MDGA2: variants seen among roughly 807,000 people sequenced by gnomAD.
MDGA2 encodes the protein MAM domain containing glycosylphosphatidylinositol anchor 2.
MDGA2 carries 40 observed loss-of-function variants against 117.8 expected under a neutral mutation model. The ratio of observed to expected loss-of-function variants is 0.34; its 90% CI spans 0.26 to 0.44. The LOEUF is 0.44. Ranked by LOEUF, MDGA2 falls within the 20% of genes least tolerant of loss-of-function variation. The pLI is 1.00. For missense variants in MDGA2, 1,123 were observed against 1,250.6 expected, an observed-to-expected ratio of 0.90 and a Z score of 1.54; for synonymous variants, 452 against 439.0, an observed-to-expected ratio of 1.03 and a Z score of -0.37.
chr14:47,390,311 C>T (rs1891864820), intron 1 of MDGA2, among the ~76,000 whole-genome samples: 1 of 152,130 alleles, frequency 6.6e-6, no homozygotes, highest in South Asian at 2.1e-4. Flanking sequence ...ATGTCTTTCT[C>T]AAAGACTAGG....
chr14:47,386,620 G>C (rs1891765683), intron 1 of MDGA2, among the ~76,000 whole-genome samples: 1 of 152,136 alleles, frequency 6.6e-6, no homozygotes, highest in Non-Finnish European at 1.5e-5. Flanking sequence ...AAGAGCAAAA[G>C]GAAAAATGGA....
Position 47,014,953 on chromosome 14 carries a change from T to C in MDGA2, c.1819+20058A>G, listed in dbSNP as rs570465561. Among the ~76,000 whole-genome samples, 3 of 152,312 alleles carry C rather than the reference T, an allele frequency of 2.0e-5. No individual in the cohort carries two copies. The South Asian group carries it at 6.2e-4, about 32-fold the overall frequency. On this transcript the variant is annotated intron_variant, in intron 8 of 16. Transcript: ENST00000399232. ...CATTCCACACTAAGCTTAATCATTTTTAGCTTTTGATTTAACAAGAGAGAT... is the reference window on the plus strand; with the variant it reads ...CATTCCACACTAAGCTTAATCATTTCTAGCTTTTGATTTAACAAGAGAGAT...
chr14:47,556,006 T>C (rs186724643), intron 1 of MDGA2, among the ~76,000 whole-genome samples: 13 of 152,318 alleles, frequency 8.5e-5, no homozygotes, highest in African/African-American at 3.1e-4. Flanking sequence ...CATTTCTGAA[T>C]TTAGGGCCTA....
intron 1 of MDGA2, chr14:47,342,994 T>G: frequency 9.3e-7 from 1 of 1,079,352 alleles, no homozygotes; most frequent in Non-Finnish European, 1.3e-6. Flanking sequence ...CCTGGCAGAA[T>G]GCTACCTCAG....
At chr14:46,971,136 A>G (rs1020019586) in intron 8 of MDGA2, among the ~76,000 whole-genome samples, 5 of 152,148 alleles carry the variant, frequency 3.3e-5, no homozygotes, top group Non-Finnish European at 7.4e-5. Flanking sequence ...TAGTATACCC[A>G]CTACAGAAAT....
At chr14:47,002,125 A>G (rs1887552941) in intron 8 of MDGA2, among the ~76,000 whole-genome samples, 1 of 152,108 alleles carries the variant, frequency 6.6e-6, no homozygotes, top group African/African-American at 2.4e-5. Flanking sequence ...ATATTAGACT[A>G]ACACTAAATT....
At chr14:47,436,697 A>G (rs904665128) in intron 1 of MDGA2, among the ~76,000 whole-genome samples, 3 of 152,162 alleles carry the variant, frequency 2.0e-5, no homozygotes, top group Non-Finnish European at 4.4e-5. Flanking sequence ...GAGGTAAAAA[A>G]ATCACAAAAA....
chr14:47,581,065 A>G (rs1896220671), intron 1 of MDGA2, among the ~76,000 whole-genome samples: 1 of 152,038 alleles, frequency 6.6e-6, no homozygotes, highest in Non-Finnish European at 1.5e-5. Flanking sequence ...AATTTCTTCA[A>G]TAATTTGCTT....
At chr14:47,049,471 T>C (rs1422566970) in intron 7 of MDGA2, among the ~76,000 whole-genome samples, 3 of 152,254 alleles carry the variant, frequency 2.0e-5, no homozygotes, top group African/African-American at 7.2e-5. Flanking sequence ...TTAATAGTAG[T>C]ACTATATTAG....
intron 3 of MDGA2, among the ~76,000 whole-genome samples, chr14:47,163,393 T>A: frequency 6.6e-6 from 1 of 152,128 alleles, no homozygotes; most frequent in Non-Finnish European, 1.5e-5. Flanking sequence ...GTGGGAATCA[T>A]GACTGAATCA....
intron 1 of MDGA2, among the ~76,000 whole-genome samples, chr14:47,532,638 C>T (rs1895123872): frequency 6.6e-6 from 1 of 152,178 alleles, no homozygotes; most frequent in African/African-American, 2.4e-5. Flanking sequence ...TTCAGTGATA[C>T]TACTTTCTTC....
chr14:47,654,398 T>C (rs1897701334), intron 1 of MDGA2, among the ~76,000 whole-genome samples: 1 of 152,056 alleles, frequency 6.6e-6, no homozygotes. Flanking sequence ...TGAAAAAGAA[T>C]GTAAGTCCCA....
chr14:47,386,066 G>T (rs920902693), intron 1 of MDGA2, among the ~76,000 whole-genome samples: 1 of 152,072 alleles, frequency 6.6e-6, no homozygotes, highest in African/African-American at 2.4e-5. Flanking sequence ...TGGATCACCT[G>T]AGGTCAGGAG....
intron 10 of MDGA2, among the ~76,000 whole-genome samples, chr14:46,906,074 T>C (rs1370473367): frequency 1.3e-5 from 2 of 151,990 alleles, no homozygotes; most frequent in East Asian, 3.9e-4. Context: ...TAATTAGTAT[T>C]AATATTATAC....
intron 1 of MDGA2, among the ~76,000 whole-genome samples, chr14:47,499,488 G>A (rs1894354896): frequency 2.0e-5 from 3 of 152,062 alleles, no homozygotes; most frequent in African/African-American, 7.2e-5. Flanking sequence ...CATAAACACT[G>A]TTATTCCCTA....
chr14:47,388,595 C>A (rs762137333), intron 1 of MDGA2, among the ~76,000 whole-genome samples: 54 of 152,132 alleles, frequency 3.5e-4, no homozygotes, highest in Non-Finnish European at 4.4e-4. Flanking sequence ...AAGTCAGATT[C>A]TCTTTTTCTC....
chr14:47,191,694 C>T (rs1023861333), intron 3 of MDGA2, among the ~76,000 whole-genome samples: 36 of 152,202 alleles, frequency 2.4e-4, no homozygotes, highest in East Asian at 2.1e-3. Flanking sequence ...TGCTACTTTT[C>T]TACCCATTTT....
chr14:46,863,815 T>C (rs1485949023), intron 14 of MDGA2, among the ~76,000 whole-genome samples: 1 of 152,150 alleles, frequency 6.6e-6, no homozygotes, highest in African/African-American at 2.4e-5. Context: ...GGTTCAAACC[T>C]GGATTCTAAA....
At chr14:46,955,436 A>AT (rs78576739) in intron 9 of MDGA2, among the ~76,000 whole-genome samples, 1 of 152,100 alleles carries the variant, frequency 6.6e-6, no homozygotes, top group East Asian at 1.9e-4. Context: ...AATGCAAAGT[A>AT]TTTTTTAGTA....
Sources: allele counts gnomAD v4.1 joint callset (sites outside exome capture counted in the v4.1 genomes callset), GRCh38; gene constraint gnomAD v4.1.1; transcripts MANE v1.5; gene names NCBI Gene and HGNC (gene_info 2026-07-23, HGNC 2026-07-21).